The following STAU2 variants were observed in gnomAD, a reference collection of about 807,000 sequenced individuals.
The protein encoded by STAU2 is staufen double-stranded RNA binding protein 2.
Under a neutral mutation model 65.9 loss-of-function variants are expected in STAU2, and 20 were observed. That is an observed-to-expected ratio of 0.30 (90% confidence interval 0.21 to 0.44). The LOEUF (loss-of-function observed/expected upper bound fraction) is 0.44, where lower values mean the gene tolerates loss of function less well. Among genes scored for constraint, STAU2 ranks in the 20% least tolerant of loss-of-function variants. STAU2 has a pLI of 1.00. For missense variants in STAU2, 558 were observed against 683.9 expected (o/e 0.82, Z 2.05); for synonymous variants, 232 against 233.9 (o/e 0.99, Z 0.07).
At chr8:73,479,205 G>A (rs1379659476) in intron 13 of STAU2, among the ~76,000 whole-genome samples, 2 of 152,054 alleles carry the variant, frequency 1.3e-5, no homozygotes, top group Non-Finnish European at 2.9e-5. Flanking sequence ...CTACATCACT[G>A]TCGTACCTTT....
At chr8:73,636,527 C>A (rs1814526897) in intron 6 of STAU2, among the ~76,000 whole-genome samples, 1 of 151,922 alleles carries the variant, frequency 6.6e-6, no homozygotes, top group African/African-American at 2.4e-5. Flanking sequence ...AGAAAAAAAA[C>A]TGTAAGCAGA....
intron 5 of STAU2, among the ~76,000 whole-genome samples, chr8:73,687,469 A>T (rs2130515363): frequency 7.4e-6 from 1 of 135,486 alleles, no homozygotes; most frequent in South Asian, 2.2e-4. Flanking sequence ...ATAAAATAAA[A>T]TATATATAAT....
intron 6 of STAU2, among the ~76,000 whole-genome samples, chr8:73,669,564 A>C (rs1817504918): frequency 6.6e-6 from 1 of 152,078 alleles, no homozygotes; most frequent in Non-Finnish European, 1.5e-5. Flanking sequence ...TGATCAAGCC[A>C]CATTGGCCTC....
At chr8:73,561,155 T>C (rs1018110908) in intron 12 of STAU2, among the ~76,000 whole-genome samples, 5 of 152,126 alleles carry the variant, frequency 3.3e-5, no homozygotes, top group African/African-American at 4.8e-5. Flanking sequence ...TAGTTTGAAA[T>C]AGGTTGACTT....
rs1814639869 is a variant in STAU2, at chr8:73,637,545, T to C, written c.411-20094A>G. On this transcript the variant is annotated intron_variant, in intron 6 of 14. Coordinates refer to ENST00000524300, the MANE Select transcript of STAU2 (RefSeq NM_001164380.2). Reference sequence around the variant, plus strand: ...GAAAAACTGTCAACTCCGAATTCTATATTCAATGAAAATATCTTCAAAACT... The same window carrying C: ...GAAAAACTGTCAACTCCGAATTCTACATTCAATGAAAATATCTTCAAAACT... 1.5e-5 allele frequency among the ~76,000 whole-genome samples: 2 copies of C among 129,564 alleles called. 1 individual carries two copies. The highest frequency in any genetic ancestry group is 5.1e-4 in the South Asian group (2 of 3,950). The allele number at this position is 129,564 out of a possible 152,430, so 85.0% of individuals were successfully genotyped here.
chr8:73,634,246 G>A (rs17222373), intron 6 of STAU2, among the ~76,000 whole-genome samples: 4,742 of 152,116 alleles, frequency 0.031, 114 homozygotes, highest in Middle Eastern at 0.068. Context: ...TCAGCAAAAC[G>A]GTTTTTATTT....
intron 13 of STAU2, chr8:73,440,046 C>T (rs541788330): frequency 6.6e-6 from 1 of 152,376 alleles, no homozygotes; most frequent in East Asian, 1.9e-4. Context: ...TAATCAGCCG[C>T]TTCCATTTTT....
At chr8:73,693,097 G>A (rs1015675549) in intron 4 of STAU2, among the ~76,000 whole-genome samples, 2 of 152,008 alleles carry the variant, frequency 1.3e-5, no homozygotes, top group African/African-American at 2.4e-5. Flanking sequence ...GGAGATGAAC[G>A]CTGCAGTGAG....
chr8:73,715,927 T>C (rs976820645), intron 3 of STAU2, among the ~76,000 whole-genome samples: 2 of 152,116 alleles, frequency 1.3e-5, no homozygotes, highest in African/African-American at 4.8e-5. Context: ...ATCTTCTTTT[T>C]TTTTTGAGAC....
At chr8:73,560,735 T>C (rs537097595) in intron 12 of STAU2, among the ~76,000 whole-genome samples, 26 of 152,044 alleles carry the variant, frequency 1.7e-4, no homozygotes, top group South Asian at 4.1e-4. Flanking sequence ...GAATACAAAA[T>C]AGTAAATAAT....
At chr8:73,506,210 T>C (rs773449579) in intron 13 of STAU2, among the ~76,000 whole-genome samples, 10 of 152,174 alleles carry the variant, frequency 6.6e-5, no homozygotes, top group Non-Finnish European at 1.3e-4. Context: ...CTTGTGCAAA[T>C]GTCACCATAA....
intron 13 of STAU2, among the ~76,000 whole-genome samples, chr8:73,534,199 A>G (rs973570580): frequency 3.3e-5 from 5 of 152,220 alleles, no homozygotes; most frequent in Non-Finnish European, 7.3e-5. Flanking sequence ...AGCCTTGCAC[A>G]GAAGAGTACA....
intron 13 of STAU2, among the ~76,000 whole-genome samples, chr8:73,475,153 T>C (rs1820250349): frequency 6.6e-6 from 1 of 152,154 alleles, no homozygotes; most frequent in Non-Finnish European, 1.5e-5. Context: ...TGGGGGCTTC[T>C]GGGAGGCTAG....
intron 12 of STAU2, among the ~76,000 whole-genome samples, chr8:73,568,386 AG>A (rs1300939371): frequency 1.3e-5 from 2 of 152,216 alleles, no homozygotes; most frequent in Admixed American, 6.5e-5. Context: ...GGATGACTTC[AG>A]GCCAGGAGTT....
intron 9 of STAU2, among the ~76,000 whole-genome samples, chr8:73,605,874 CACAT>C (rs1168216240): frequency 2.9e-3 from 160 of 54,372 alleles, no homozygotes; most frequent in African/African-American, 6.1e-3. Flanking sequence ...CACACACACA[CACAT>C]ACACACACAC....
chr8:73,472,364 A>G (rs1191446559), intron 13 of STAU2, among the ~76,000 whole-genome samples: 3 of 152,188 alleles, frequency 2.0e-5, no homozygotes, highest in Admixed American at 2.0e-4. Context: ...GGAAGGATAT[A>G]TAAAGGGAAA....
intron 6 of STAU2, among the ~76,000 whole-genome samples, chr8:73,647,679 A>AGCAACCCT: frequency 6.6e-6 from 1 of 151,988 alleles, no homozygotes; most frequent in South Asian, 2.1e-4. Context: ...CCTGGTATCA[A>AGCAACCCT]GCAACCCTCC....
intron 3 of STAU2, among the ~76,000 whole-genome samples, chr8:73,718,790 T>A (rs924335585): frequency 6.6e-6 from 1 of 152,372 alleles, no homozygotes. Flanking sequence ...GTTCATATTT[T>A]TGATGCTTTT....
intron 13 of STAU2, among the ~76,000 whole-genome samples, chr8:73,426,698 C>A (rs1816848460): frequency 6.6e-6 from 1 of 151,986 alleles, no homozygotes. Flanking sequence ...GGTTTTTTGT[C>A]CGTTCATCTG....
Sources: allele counts gnomAD v4.1 joint callset (sites outside exome capture counted in the v4.1 genomes callset), GRCh38; gene constraint gnomAD v4.1.1; transcripts MANE v1.5; gene names NCBI Gene and HGNC (gene_info 2026-07-23, HGNC 2026-07-21).